The following GLIS3 variants were observed in gnomAD, a reference collection of about 807,000 sequenced individuals.
The protein encoded by GLIS3 is GLIS family zinc finger 3, also known as zinc finger protein GLIS3.
In GLIS3, 53 loss-of-function variants were observed where a neutral mutation model predicts 78.6. The ratio of observed to expected loss-of-function variants is 0.67; its 90% CI spans 0.54 to 0.85. The LOEUF (loss-of-function observed/expected upper bound fraction) is 0.85. Ranked by LOEUF, GLIS3 falls within the 40% of genes least tolerant of loss-of-function variation. GLIS3 has a pLI of 0.00. For synonymous variants in GLIS3, 684 were observed against 509.9 expected, an observed-to-expected ratio of 1.34 and a Z score of -4.60; for missense variants, 1,703 against 1,231.1, an observed-to-expected ratio of 1.38 and a Z score of -5.74.
intron 6 of GLIS3, among the ~76,000 whole-genome samples, chr9:3,907,573 T>G (rs1823793408): frequency 6.7e-6 from 1 of 148,778 alleles, no homozygotes; most frequent in Non-Finnish European, 1.5e-5. Flanking sequence ...CTGTGTACTT[T>G]AGAGCCAATG....
Position 3,909,926 on chromosome 9 carries a change from A to C in GLIS3, c.1984-11091T>G, listed in dbSNP as rs1202333795. Among the ~76,000 whole-genome samples, 5 of 152,310 alleles carry C rather than the reference A, an allele frequency of 3.3e-5. No homozygotes were observed. In the East Asian group the frequency reaches 7.7e-4, roughly 23 times the overall value. On this transcript the variant is annotated intron_variant, in intron 6 of 10. Transcript: ENST00000381971. Reference sequence around the variant, plus strand: ...GGCTAATGCAACTGAGGAACTTTTAATTTTATTTAATTTTAATTAAATTTA... The same window carrying C: ...GGCTAATGCAACTGAGGAACTTTTACTTTTATTTAATTTTAATTAAATTTA...
intron 4 of GLIS3, among the ~76,000 whole-genome samples, chr9:4,078,846 G>A (rs1207267616): frequency 2.6e-5 from 4 of 152,122 alleles, no homozygotes; most frequent in African/African-American, 9.7e-5. Flanking sequence ...AACTCAGAGA[G>A]GGCATTGGAT....
In GLIS3 at chr9:4,118,977, C is replaced by T; in HGVS notation, c.597-96G>A. 7.8e-7 allele frequency: 1 copy of T among 1,282,904 alleles called. No individual in the cohort carries two copies. The highest frequency in any genetic ancestry group is 1.5e-5 in the African/African-American group (1 of 67,540). 79.5% of individuals were successfully genotyped at this position (1,282,904 alleles called of 1,614,324 possible). On this transcript the variant is annotated intron_variant, in intron 3 of 10. Transcript: ENST00000381971. This position sits in a 1 kb window ranked among gnomAD's most constrained non-coding sequence, Gnocchi z 4.7. ...CTAAAAGAACACTGCATTGACAATC[C>T]CTTAAGTATTTCCCCTAATTACATT...
At position 4,139,740 on chromosome 9, in the gene GLIS3, C is replaced by T. The variant is rs116667828; in HGVS notation, c.389-13799G>A. 8.3e-3 allele frequency among the ~76,000 whole-genome samples: 1,259 copies of T among 152,262 alleles called. 17 individuals are homozygous for T. The highest frequency in any genetic ancestry group is 0.029 in the African/African-American group (1,204 of 41,544). ...GATCATCAGGCATTATAATTAGATT[C>T]TCGTAAGGAGCACGCAACCTAGATC... On this transcript the variant is annotated intron_variant, in intron 2 of 10. Coordinates refer to ENST00000381971, the MANE Select transcript of GLIS3 (RefSeq NM_001042413.2).
At chr9:4,463,538 C>T in the GLIS3 span, among the ~76,000 whole-genome samples, 3 of 152,042 alleles carry the variant, frequency 2.0e-5, no homozygotes, top group Non-Finnish European at 1.5e-5. Flanking sequence ...ATAACCAAGC[C>T]GATTAGATTA....
chr9:4,453,360 A>AAAAG, the GLIS3 span, among the ~76,000 whole-genome samples: 21 of 149,588 alleles, frequency 1.4e-4, no homozygotes, highest in Non-Finnish European at 2.8e-4. Context: ...AAAAAAAAAA[A>AAAAG]AAAAGAAAAA....
At position 4,261,631 on chromosome 9, in the gene GLIS3, C is replaced by G. The variant is rs576739757; in HGVS notation, c.388+24407G>C. Among the ~76,000 whole-genome samples the G allele has an allele frequency of 1.4e-4, 21 of 152,270 alleles. No homozygotes were observed. The South Asian group carries it at 3.7e-3, about 27-fold the overall frequency. ...TACTCTACTCAGCAAAGAAAGGCAG[C>G]CCTTAGAATGCCCCTGAGCGAATGG... On this transcript the variant is annotated intron_variant, in intron 2 of 10. Transcript: ENST00000381971.
upstream of GLIS3, among the ~76,000 whole-genome samples, chr9:4,305,035 T>G (rs1344720185): frequency 6.6e-6 from 1 of 152,102 alleles, no homozygotes; most frequent in East Asian, 1.9e-4. Context: ...TGATCTACAT[T>G]TTTTTTCACT....
intron 4 of GLIS3, among the ~76,000 whole-genome samples, chr9:3,962,228 A>G (rs1817615052): frequency 6.6e-6 from 1 of 152,018 alleles, no homozygotes; most frequent in Admixed American, 6.5e-5. Context: ...TCAAAAAAAA[A>G]GGAGAAGAAA....
At position 4,309,854 on chromosome 9, in the gene GLIS3, G is replaced by A. The variant is rs368532627; in HGVS notation, n.392+547C>T. Among the ~76,000 whole-genome samples the A allele has an allele frequency of 2.4e-4, 36 of 152,184 alleles. No individual in the cohort carries two copies. The South Asian group carries it at 7.2e-3, about 31-fold the overall frequency. On this transcript the variant is annotated intron_variant and non_coding_transcript_variant, in intron 3 of 4. Transcript: ENST00000471664. ...AAAGAGACATGTGAGACAAGATGTA[G>A]AACTTTGTATTAGAGTACAATAAAA...
At chr9:3,854,174 G>T (rs1004435578) in intron 9 of GLIS3, among the ~76,000 whole-genome samples, 2 of 152,156 alleles carry the variant, frequency 1.3e-5, no homozygotes, top group East Asian at 3.8e-4. Context: ...TAAACTCCTC[G>T]ACTGGACTGG....
chr9:4,374,491 C>T, the GLIS3 span, among the ~76,000 whole-genome samples: 1 of 152,252 alleles, frequency 6.6e-6, no homozygotes, highest in Non-Finnish European at 1.5e-5. Context: ...GAGCCCCTCA[C>T]ACAGGCTCAG....
intron 2 of GLIS3, among the ~76,000 whole-genome samples, chr9:4,279,971 G>A (rs569164719): frequency 5.3e-5 from 8 of 151,750 alleles, no homozygotes; most frequent in Non-Finnish European, 8.8e-5. Flanking sequence ...TATTAATAAT[G>A]TAAGTAGAAT....
intron 4 of GLIS3, among the ~76,000 whole-genome samples, chr9:4,102,723 T>A (rs965535644): frequency 1.3e-5 from 2 of 152,118 alleles, no homozygotes; most frequent in African/African-American, 4.8e-5. Context: ...AATAAATAAA[T>A]CTCAAGTCCC....
At chr9:3,994,582 C>A (rs2129829768) in intron 4 of GLIS3, among the ~76,000 whole-genome samples, 2 of 152,198 alleles carry the variant, frequency 1.3e-5, no homozygotes, top group East Asian at 3.9e-4. Flanking sequence ...CATAACTTGC[C>A]TGTATAATGA....
intron 6 of GLIS3, among the ~76,000 whole-genome samples, chr9:3,911,203 G>C (rs371337617): frequency 6.6e-6 from 1 of 152,008 alleles, no homozygotes; most frequent in Non-Finnish European, 1.5e-5. Flanking sequence ...AGGCCCAGGA[G>C]ATAAAGTAGT....
chr9:4,061,736 C>G (rs965051418), intron 4 of GLIS3, among the ~76,000 whole-genome samples: 1 of 152,080 alleles, frequency 6.6e-6, no homozygotes, highest in Non-Finnish European at 1.5e-5. Flanking sequence ...AACATGACGT[C>G]CTGAAATGTT....
At chr9:4,295,930 T>C (rs1816453805) in intron 1 of GLIS3, among the ~76,000 whole-genome samples, 1 of 149,502 alleles carries the variant, frequency 6.7e-6, no homozygotes, top group African/African-American at 2.5e-5. Flanking sequence ...TGGCAACAAG[T>C]TTTTTTTTTA....
chr9:3,947,067 C>G (rs770048197), intron 4 of GLIS3, among the ~76,000 whole-genome samples: 9 of 152,310 alleles, frequency 5.9e-5, no homozygotes, highest in African/African-American at 1.9e-4. Context: ...GAATGGGAGG[C>G]AGGGACTCCA....
Sources: allele counts gnomAD v4.1 joint callset (sites outside exome capture counted in the v4.1 genomes callset), GRCh38; gene constraint gnomAD v4.1.1; non-coding constraint Gnocchi (gnomAD v3.1); transcripts MANE v1.5; gene names NCBI Gene and HGNC (gene_info 2026-07-23, HGNC 2026-07-21).